The following PAPSS2 variants were observed in gnomAD, a reference collection of about 807,000 sequenced individuals.
The protein encoded by PAPSS2 is bifunctional 3'-phosphoadenosine 5'-phosphosulfate synthase 2.
A neutral mutation model predicts 66.5 loss-of-function variants in PAPSS2; 61 were observed. The ratio of observed to expected loss-of-function variants is 0.92; its 90% CI spans 0.75 to 1.14. The LOEUF (loss-of-function observed/expected upper bound fraction) is 1.14, where lower values mean the gene tolerates loss of function less well. Ranked by LOEUF, PAPSS2 falls within the 50% of genes most tolerant of loss-of-function variation. PAPSS2 has a pLI of 0.00. For missense variants in PAPSS2, 708 were observed against 789.6 expected (o/e 0.90, Z 1.24); for synonymous variants, 289 against 287.5 (o/e 1.01, Z -0.05).
chr10:87,686,961 C>T (rs1853096939), intron 1 of PAPSS2, among the ~76,000 whole-genome samples: 1 of 152,166 alleles, frequency 6.6e-6, no homozygotes, highest in Admixed American at 6.5e-5. Context: ...ACAGGACATC[C>T]AGCTAAATTT....
At chr10:87,671,677 G>A (rs1050611383) in intron 1 of PAPSS2, among the ~76,000 whole-genome samples, 1 of 152,186 alleles carries the variant, frequency 6.6e-6, no homozygotes, top group African/African-American at 2.4e-5. Flanking sequence ...GGTTTCATCA[G>A]CATTTCCATT....
chr10:87,710,457 G>A (rs550959957), intron 2 of PAPSS2, among the ~76,000 whole-genome samples: 80 of 152,258 alleles, frequency 5.3e-4, no homozygotes, highest in Non-Finnish European at 3.7e-4. Flanking sequence ...CGTAATTTGA[G>A]CAGTAGGTAC....
chr10:87,740,274 A>G (rs1370445164), intron 9 of PAPSS2, among the ~76,000 whole-genome samples: 1 of 133,224 alleles, frequency 7.5e-6, no homozygotes, highest in Non-Finnish European at 1.5e-5. Context: ...TGATGAGACT[A>G]GTAGTGATAT....
intron 12 of PAPSS2, 47 bp downstream of exon 12, chr10:87,745,278 AATG>A: frequency 1.4e-6 from 2 of 1,460,036 alleles, no homozygotes; most frequent in Non-Finnish European, 1.9e-6. Context: ...GTATAAAAGA[AATG>A]ATGAGGCAGA....
At chr10:87,707,385 G>GAATCTACA (rs1164728764) in intron 1 of PAPSS2, among the ~76,000 whole-genome samples, 1 of 151,942 alleles carries the variant, frequency 6.6e-6, no homozygotes, top group Non-Finnish European at 1.5e-5. Context: ...TGGTTTGGGG[G>GAATCTACA]GTGTCTACAG....
chr10:87,708,134 T>G (rs1269994612), intron 1 of PAPSS2, among the ~76,000 whole-genome samples: 1 of 152,192 alleles, frequency 6.6e-6, no homozygotes, highest in East Asian at 1.9e-4. Flanking sequence ...ATTGGCTCAC[T>G]TTACCTTTTT....
Position 87,714,012 on chromosome 10 carries a change from CT to C in PAPSS2, c.382-27del, listed in dbSNP as rs752598502. On this transcript the variant is annotated intron_variant, in intron 3 of 12. Coordinates refer to ENST00000456849, the MANE Select transcript of PAPSS2 (RefSeq NM_001015880.2). ...GATTTAGAATTTCACCGTGAAACCT[CT>C]TTTTACATTCTTAATCATATTGCTT... The C allele has an allele frequency of 3.7e-5, 60 of 1,612,518 alleles. No individual in the cohort carries two copies. The Admixed American group carries it at 4.8e-4, about 13-fold the overall frequency.
intron 9 of PAPSS2, among the ~76,000 whole-genome samples, chr10:87,737,171 T>C (rs778622577): frequency 2.4e-4 from 36 of 152,104 alleles, no homozygotes; most frequent in Non-Finnish European, 4.0e-4. Context: ...CTTTATGAGA[T>C]AGACACAACC....
chr10:87,716,735 C>T (rs1346724521), intron 7 of PAPSS2, among the ~76,000 whole-genome samples: 2 of 152,172 alleles, frequency 1.3e-5, no homozygotes, highest in Non-Finnish European at 2.9e-5. Context: ...AGCATGGGCC[C>T]TCTTCCCTTA....
At chr10:87,668,774 G>C (rs1483272542) in intron 1 of PAPSS2, among the ~76,000 whole-genome samples, 1 of 152,012 alleles carries the variant, frequency 6.6e-6, no homozygotes, top group African/African-American at 2.4e-5. Context: ...TTGATATACA[G>C]CGTTAAGAGC....
intron 5 of PAPSS2, 59 bp from the exon 6 acceptor site, chr10:87,714,926 C>G: frequency 7.1e-7 from 1 of 1,416,326 alleles, no homozygotes. Context: ...ATCTATGCCT[C>G]TTTACTGAAG....
intron 1 of PAPSS2, among the ~76,000 whole-genome samples, chr10:87,683,094 CT>C (rs34190865): frequency 0.1 from 13,198 of 130,264 alleles, 567 homozygotes; most frequent in Non-Finnish European, 0.14. Flanking sequence ...TTTCTTTTTT[CT>C]TTTTTTTTTT....
At position 87,714,968 on chromosome 10, in the gene PAPSS2, A is replaced by G; in HGVS notation, c.640-17A>G. 1 of 1,521,292 alleles carries G rather than the reference A, an allele frequency of 6.6e-7. No homozygotes were observed. The highest frequency in any genetic ancestry group is 1.4e-5 in the African/African-American group (1 of 73,310). 94.2% of individuals were successfully genotyped at this position (1,521,292 alleles called of 1,614,324 possible). A position where few individuals can be genotyped will look rare whatever the true frequency, so the allele number is the denominator to read the frequency against. On this transcript the variant is annotated splice_polypyrimidine_tract_variant and intron_variant, in intron 5 of 12. Transcript: ENST00000456849. ...TTTTACAGTTTTCAAGTTTTTACCA[A>G]TGCTGTTTCATTTCAGAACATTGTA...
intron 1 of PAPSS2, among the ~76,000 whole-genome samples, chr10:87,707,618 G>A (rs2131929885): frequency 7.2e-6 from 1 of 138,864 alleles, no homozygotes; most frequent in Non-Finnish European, 1.5e-5. Flanking sequence ...TGCCCAGGCT[G>A]GAGTACAGTG....
intron 8 of PAPSS2, among the ~76,000 whole-genome samples, chr10:87,724,417 T>C (rs1295375486): frequency 6.6e-6 from 1 of 151,808 alleles, no homozygotes; most frequent in East Asian, 1.9e-4. Context: ...GATTGTTGGC[T>C]CCCACACTAA....
rs1853958981 is a variant in PAPSS2 at position 87,747,536 on chromosome 10, A to AT, written c.*1567dup. 6.6e-6 allele frequency: 1 copy of AT among 152,542 alleles called. No homozygotes were observed. 9.4% of individuals were successfully genotyped at this position (152,542 alleles called of 1,614,324 possible). A position where few individuals can be genotyped will look rare whatever the true frequency, so the allele number is the denominator to read the frequency against. On this transcript the variant is annotated 3_prime_UTR_variant, in exon 13 of 13. Transcript: ENST00000456849. Reference sequence around the variant, plus strand: ...ACTGCCTTTAAAAAAAAAAACCAGCATATTTATTGAAAACATGAGACAGGA... The same window carrying AT: ...ACTGCCTTTAAAAAAAAAAACCAGCATTATTTATTGAAAACATGAGACAGGA...
intron 1 of PAPSS2, among the ~76,000 whole-genome samples, chr10:87,677,136 G>A (rs957980991): frequency 2.0e-5 from 3 of 152,134 alleles, no homozygotes; most frequent in African/African-American, 7.2e-5. Flanking sequence ...AGAGGCTGCA[G>A]TGAGCTGAGA....
chr10:87,668,375 A>G (rs1198238022), intron 1 of PAPSS2, among the ~76,000 whole-genome samples: 3 of 152,112 alleles, frequency 2.0e-5, no homozygotes, highest in African/African-American at 7.2e-5. Flanking sequence ...CAGGATCTCT[A>G]TTTGTCATAA....
chr10:87,738,683 G>A (rs868437804), intron 9 of PAPSS2, among the ~76,000 whole-genome samples: 51 of 152,292 alleles, frequency 3.3e-4, no homozygotes, highest in African/African-American at 1.1e-3. Context: ...GATTACAGGC[G>A]TGAGCCACTG....
Sources: gnomAD v4.1 joint callset for allele counts (sites outside exome capture counted in the v4.1 genomes callset) on GRCh38, gnomAD v4.1.1 for gene constraint, MANE v1.5 for transcripts, NCBI Gene and HGNC (gene_info 2026-07-23, HGNC 2026-07-21) for gene names.